The following ATG7 variants were observed in gnomAD, a reference collection of about 807,000 sequenced individuals.
The protein encoded by ATG7 is ubiquitin-like modifier-activating enzyme ATG7.
In ATG7, 70 loss-of-function variants were observed where a neutral mutation model predicts 82.4. The observed-to-expected ratio is 0.85, with a 90% CI of 0.70 to 1.04. The LOEUF is 1.04. Among genes scored for constraint, ATG7 ranks in the 50% least tolerant of loss-of-function variants. The pLI is 0.00. For synonymous variants in ATG7, 287 were observed against 313.0 expected (o/e 0.92, Z 0.88); for missense variants, 792 against 864.3 (o/e 0.92, Z 1.05).
chr3:11,395,749 G>A (rs192632130), intron 19 of ATG7, among the ~76,000 whole-genome samples: 1 of 151,798 alleles, frequency 6.6e-6, no homozygotes, highest in South Asian at 2.1e-4. Context: ...GACCATCCTG[G>A]CTAACACGGT....
At chr3:11,515,852 A>G (rs2092262040) in intron 20 of ATG7, among the ~76,000 whole-genome samples, 1 of 152,158 alleles carries the variant, frequency 6.6e-6, no homozygotes. Flanking sequence ...CTAAACCACA[A>G]GAGAAGTTGA....
intron 18 of ATG7, among the ~76,000 whole-genome samples, chr3:11,371,299 TG>T (rs2076978474): frequency 6.6e-6 from 1 of 150,808 alleles, no homozygotes; most frequent in Non-Finnish European, 1.5e-5. Context: ...AAACAATGGC[TG>T]GGAAAGGTGC....
At chr3:11,380,175 C>A in intron 19 of ATG7, 123 bp downstream of exon 19, 1 of 828,830 alleles carries the variant, frequency 1.2e-6, no homozygotes, top group South Asian at 1.5e-5. Flanking sequence ...AGGGTGGGGT[C>A]TAAACCCTCA....
chr3:11,401,024 C>A (rs1331343928), intron 19 of ATG7, among the ~76,000 whole-genome samples: 2 of 152,150 alleles, frequency 1.3e-5, no homozygotes, highest in African/African-American at 4.8e-5. Flanking sequence ...GGTTGAATCC[C>A]AAGATGTTGT....
chr3:11,572,119 T>C, the ATG7 span, among the ~76,000 whole-genome samples: 47 of 152,208 alleles, frequency 3.1e-4, 2 homozygotes, highest in Middle Eastern at 0.02. Context: ...AAAAAAAAGT[T>C]GGGGAATCTC....
chr3:11,281,537 C>G (rs958601004), intron 2 of ATG7, among the ~76,000 whole-genome samples: 2 of 152,078 alleles, frequency 1.3e-5, no homozygotes, highest in African/African-American at 4.8e-5. Context: ...CTTTGGGAGG[C>G]TGAGGCAGGT....
chr3:11,401,101 G>C (rs1214057448), intron 19 of ATG7, among the ~76,000 whole-genome samples: 1 of 152,174 alleles, frequency 6.6e-6, no homozygotes. Context: ...GTGCCATTTG[G>C]GAACTTGCTA....
chr3:11,531,044 T>TG (rs1176504444), intron 20 of ATG7, among the ~76,000 whole-genome samples: 3 of 152,164 alleles, frequency 2.0e-5, no homozygotes, highest in African/African-American at 7.2e-5. Flanking sequence ...GCTAAGTGTC[T>TG]GCTCACCACA....
intron 20 of ATG7, among the ~76,000 whole-genome samples, chr3:11,441,655 C>CT (rs11329292): frequency 2.0e-4 from 27 of 135,770 alleles, no homozygotes; most frequent in Middle Eastern, 3.6e-3. Context: ...CCCCTTTCTC[C>CT]TTTTTTTTTT....
intron 20 of ATG7, among the ~76,000 whole-genome samples, chr3:11,438,446 G>A (rs1419602438): frequency 6.6e-6 from 1 of 152,180 alleles, no homozygotes; most frequent in Non-Finnish European, 1.5e-5. Flanking sequence ...TGTACCTGTA[G>A]TCCTAGCTAC....
intron 20 of ATG7, among the ~76,000 whole-genome samples, chr3:11,494,172 T>G (rs902940304): frequency 1.3e-5 from 2 of 152,150 alleles, no homozygotes; most frequent in African/African-American, 4.8e-5. Context: ...GAGATCAGTC[T>G]CAAATCCATC....
intron 8 of ATG7, among the ~76,000 whole-genome samples, chr3:11,313,830 G>C (rs953933373): frequency 6.6e-6 from 1 of 152,060 alleles, no homozygotes. Flanking sequence ...CAACACCTGG[G>C]CTCAAGCAAT....
At chr3:11,433,148 G>A (rs2083057923) in intron 20 of ATG7, among the ~76,000 whole-genome samples, 1 of 151,890 alleles carries the variant, frequency 6.6e-6, no homozygotes, top group African/African-American at 2.4e-5. Context: ...TTAGAAATTA[G>A]CCAGGCATGG....
chr3:11,533,499 C>A (rs2092730430), intron 20 of ATG7, among the ~76,000 whole-genome samples: 1 of 146,690 alleles, frequency 6.8e-6, no homozygotes. Flanking sequence ...TTTGTCTTCT[C>A]CAGGTAGTTT....
At chr3:11,482,582 G>A (rs1043604051) in intron 20 of ATG7, among the ~76,000 whole-genome samples, 2 of 152,220 alleles carry the variant, frequency 1.3e-5, no homozygotes, top group Admixed American at 1.3e-4. Flanking sequence ...CTTACTGAGA[G>A]CTAGAATTCC....
In ATG7 at chr3:11,306,943, G is replaced by C. The variant is rs1322298359; in HGVS notation, c.216G>C (p.Met72Ile). The change falls in exon 6 of 21, where the codon ATG (methionine) becomes ATC (isoleucine). Residue 72 changes from methionine to isoleucine, a missense_variant and splice_region_variant. Coordinates refer to ENST00000693202, the MANE Select transcript of ATG7 (RefSeq NM_001349232.2). ...RLTLEFSAFD[M>I]SAPTPARCCP... Reference sequence around the variant, plus strand: ...CTAACCGTGTTTCTCTTGTATCTAGGAGTGCTCCCACCCCAGCCCGTTGCT... The same window carrying C: ...CTAACCGTGTTTCTCTTGTATCTAGCAGTGCTCCCACCCCAGCCCGTTGCT... The C allele has an allele frequency of 6.2e-7, 1 of 1,613,206 alleles. No individual in the cohort carries two copies.
intron 20 of ATG7, among the ~76,000 whole-genome samples, chr3:11,472,372 C>A (rs895816571): frequency 8.5e-5 from 13 of 152,116 alleles, no homozygotes; most frequent in African/African-American, 2.9e-4. Context: ...AGCGTTGTTC[C>A]CAATGGCACT....
chr3:11,306,786 G>A (rs1947823300), intron 5 of ATG7, among the ~76,000 whole-genome samples, 157 bp from the exon 6 acceptor site: 1 of 152,130 alleles, frequency 6.6e-6, no homozygotes, highest in Admixed American at 6.5e-5. Context: ...TAGTTCTTGA[G>A]TTATGATATT....
At chr3:11,450,716 T>C (rs1056491380) in intron 20 of ATG7, among the ~76,000 whole-genome samples, 3 of 152,218 alleles carry the variant, frequency 2.0e-5, no homozygotes, top group African/African-American at 7.2e-5. Context: ...TTAAGCTTCC[T>C]CTTTCCAAGC....
Sources: allele counts gnomAD v4.1 joint callset (sites outside exome capture counted in the v4.1 genomes callset), GRCh38; gene constraint gnomAD v4.1.1; transcripts MANE v1.5; gene names NCBI Gene and HGNC (gene_info 2026-07-23, HGNC 2026-07-21).